Variants in ARHGAP10 observed in about 807,000 individuals in gnomAD.
ARHGAP10 encodes the protein rho GTPase-activating protein 10.
ARHGAP10 carries 87 observed loss-of-function variants against 108.6 expected under a neutral mutation model. That is an observed-to-expected ratio of 0.80 (90% CI 0.67 to 0.96). The LOEUF (loss-of-function observed/expected upper bound fraction) is 0.96. Ranked by LOEUF, ARHGAP10 falls within the 40% of genes least tolerant of loss-of-function variation. The probability of loss-of-function intolerance (pLI) is 0.00; values close to 1 mark genes in which losing one functional copy is unlikely to be tolerated. For synonymous variants in ARHGAP10, 347 were observed against 341.1 expected, an observed-to-expected ratio of 1.02 and a Z score of -0.19; for missense variants, 939 against 954.5, an observed-to-expected ratio of 0.98 and a Z score of 0.21.
chr4:147,840,790 T>G (rs1733380934), intron 3 of ARHGAP10, among the ~76,000 whole-genome samples: 1 of 152,350 alleles, frequency 6.6e-6, no homozygotes, highest in African/African-American at 2.4e-5. Context: ...AGTCCCTCTC[T>G]TTAGCTCGAG....
chr4:147,818,201 C>T (rs1732334497), intron 1 of ARHGAP10, among the ~76,000 whole-genome samples: 1 of 150,710 alleles, frequency 6.6e-6, no homozygotes, highest in Non-Finnish European at 1.5e-5. Flanking sequence ...AACACCTACC[C>T]TGCTGGTGTA....
chr4:148,007,363 A>G (rs185452775), intron 18 of ARHGAP10, among the ~76,000 whole-genome samples: 1,931 of 152,290 alleles, frequency 0.013, 36 homozygotes, highest in African/African-American at 0.043. Flanking sequence ...TCAGGGAAGG[A>G]AGGGAGCTCG....
chr4:148,072,267 T>G lies in ARHGAP10; in HGVS notation c.*186T>G, dbSNP rs2149696862. The G allele has an allele frequency of 2.0e-6, 1 of 488,952 alleles. No individual in the cohort carries two copies. The allele number at this position is 488,952 out of a possible 1,614,324, so 30.3% of individuals were successfully genotyped here. ...AGGGATGGGACGCACCACACAGAAC[T>G]GTGATTGTGGATCAGGAGGGGAATG... On this transcript the variant is annotated 3_prime_UTR_variant, in exon 23 of 23. Transcript: ENST00000336498.
intron 19 of ARHGAP10, among the ~76,000 whole-genome samples, chr4:148,032,969 C>T (rs543617170): frequency 6.8e-4 from 104 of 152,246 alleles, no homozygotes; most frequent in Non-Finnish European, 9.1e-4. Flanking sequence ...AGGTGTTAAT[C>T]TCCTTTGGCA....
At chr4:148,039,449 G>C (rs1381260698) in intron 19 of ARHGAP10, among the ~76,000 whole-genome samples, 1 of 119,514 alleles carries the variant, frequency 8.4e-6, no homozygotes, top group South Asian at 3.1e-4. Context: ...CCACCACCAC[G>C]CCTGGCTAAT....
At chr4:147,772,897 G>A (rs1183912940) in intron 1 of ARHGAP10, among the ~76,000 whole-genome samples, 3 of 152,056 alleles carry the variant, frequency 2.0e-5, no homozygotes, top group Non-Finnish European at 4.4e-5. Context: ...TAGTATTTCA[G>A]TTTGAGTCAT....
intron 22 of ARHGAP10, among the ~76,000 whole-genome samples, chr4:148,070,115 A>G (rs1272899187): frequency 6.6e-6 from 1 of 152,222 alleles, no homozygotes; most frequent in Non-Finnish European, 1.5e-5. Context: ...TATGTGTTAC[A>G]TGCTCTCATA....
intron 16 of ARHGAP10, among the ~76,000 whole-genome samples, chr4:147,958,877 A>T (rs1184201965): frequency 6.6e-6 from 1 of 152,254 alleles, no homozygotes; most frequent in African/African-American, 2.4e-5. Context: ...CATCATAAGC[A>T]GATGGACATT....
At chr4:147,972,337 CAT>C (rs1003428058) in intron 18 of ARHGAP10, among the ~76,000 whole-genome samples, 3 of 152,040 alleles carry the variant, frequency 2.0e-5, no homozygotes, top group South Asian at 4.1e-4. Context: ...ATATATAAAA[CAT>C]AAAATTCCCA....
chr4:148,049,804 G>T lies in ARHGAP10; in HGVS notation c.2027+2753G>T, dbSNP rs56320699. Among the ~76,000 whole-genome samples the T allele has an allele frequency of 4.9e-3, 464 of 93,790 alleles. 1 individual carries two copies. Among genetic ancestry groups the T allele is most frequent in the African/African-American group, 0.012 (326 of 26,854 alleles). 61.5% of individuals were successfully genotyped at this position (93,790 alleles called of 152,430 possible). ...GCTAGATCATAAAATTGTTTTTTTT[G>T]TTTGTTTGTTTGTTTGTTTTTTTTG... On this transcript the variant is annotated intron_variant, in intron 20 of 22. Coordinates refer to ENST00000336498, the MANE Select transcript of ARHGAP10 (RefSeq NM_024605.4).
intron 1 of ARHGAP10, among the ~76,000 whole-genome samples, chr4:147,799,167 T>C (rs1313761923): frequency 6.6e-6 from 1 of 152,046 alleles, no homozygotes; most frequent in East Asian, 1.9e-4. Context: ...CCTGAGTAGC[T>C]GGGACTACAG....
intron 3 of ARHGAP10, among the ~76,000 whole-genome samples, chr4:147,840,750 C>T (rs910539883): frequency 7.9e-5 from 12 of 152,210 alleles, no homozygotes; most frequent in African/African-American, 2.9e-4. Flanking sequence ...GATTGCTTAT[C>T]CCAGGCAAAT....
intron 21 of ARHGAP10, among the ~76,000 whole-genome samples, chr4:148,064,016 G>GCCGCCTCCTTCTGCCGGCTGGC (rs1382584857): frequency 6.6e-5 from 10 of 152,208 alleles, no homozygotes; most frequent in Non-Finnish European, 1.3e-4. Flanking sequence ...GTGTGGCTGT[G>GCCGCCTCCTTCTGCCGGCTGGC]CCGCCTCCTT....
chr4:147,858,400 A>G (rs368669859), intron 5 of ARHGAP10: 37 of 152,302 alleles, frequency 2.4e-4, no homozygotes, highest in African/African-American at 8.2e-4. Flanking sequence ...TACTACTGTC[A>G]TAAACACTTA....
intron 1 of ARHGAP10, among the ~76,000 whole-genome samples, chr4:147,756,224 C>T (rs72953477): frequency 0.024 from 3,643 of 152,058 alleles, 147 homozygotes; most frequent in African/African-American, 0.083. Context: ...CCTCATGGGC[C>T]GCAGTTCTTA....
At chr4:147,879,380 G>GA in intron 9 of ARHGAP10, 42 bp downstream of exon 9, 1 of 1,551,124 alleles carries the variant, frequency 6.4e-7, no homozygotes, top group South Asian at 1.1e-5. Flanking sequence ...TAATCTGTCA[G>GA]AGGTAGTGTT....
At chr4:147,844,211 G>T (rs1245201817) in intron 3 of ARHGAP10, among the ~76,000 whole-genome samples, 2 of 151,930 alleles carry the variant, frequency 1.3e-5, no homozygotes, top group Non-Finnish European at 2.9e-5. Flanking sequence ...GGATTTGTGA[G>T]TACATAATAG....
intron 1 of ARHGAP10, among the ~76,000 whole-genome samples, chr4:147,761,633 G>C (rs574331553): frequency 2.0e-4 from 30 of 152,222 alleles, no homozygotes; most frequent in Non-Finnish European, 4.3e-4. Flanking sequence ...AATTATATCA[G>C]GCATTTAAAT....
intron 1 of ARHGAP10, among the ~76,000 whole-genome samples, chr4:147,765,002 G>A (rs1429723150): frequency 1.3e-5 from 2 of 152,274 alleles, no homozygotes; most frequent in Admixed American, 6.5e-5. Context: ...CCAAGTACAA[G>A]TAATCTTGCA....
Sources: allele counts gnomAD v4.1 joint callset (sites outside exome capture counted in the v4.1 genomes callset), GRCh38; gene constraint gnomAD v4.1.1; transcripts MANE v1.5; gene names NCBI Gene and HGNC (gene_info 2026-07-23, HGNC 2026-07-21).